TCERG1L: variants seen among roughly 807,000 people sequenced by gnomAD.
The protein encoded by TCERG1L is transcription elongation regulator 1-like protein.
A neutral mutation model predicts 56.3 loss-of-function variants in TCERG1L; 37 were observed. The observed-to-expected ratio is 0.66, with a 90% CI of 0.51 to 0.87. The LOEUF (loss-of-function observed/expected upper bound fraction) is 0.87, where lower values mean the gene tolerates loss of function less well. Among genes scored for constraint, TCERG1L ranks in the 40% least tolerant of loss-of-function variants. The pLI is 0.00. For missense variants in TCERG1L, 799 were observed against 774.2 expected, an observed-to-expected ratio of 1.03 and a Z score of -0.38; for synonymous variants, 324 against 326.3, an observed-to-expected ratio of 0.99 and a Z score of 0.08.
chr10:131,176,328 G>A (rs1265677436), intron 4 of TCERG1L, among the ~76,000 whole-genome samples: 3 of 146,722 alleles, frequency 2.0e-5, no homozygotes, highest in African/African-American at 2.5e-5. Flanking sequence ...ACAGAGACAC[G>A]TGTACACCCA....
intron 7 of TCERG1L, among the ~76,000 whole-genome samples, chr10:131,145,789 C>CA (rs1359046527): frequency 6.6e-6 from 1 of 152,262 alleles, no homozygotes; most frequent in Non-Finnish European, 1.5e-5. Context: ...CTCAAGTTGG[C>CA]AGGGAGCTCC....
rs575733054 is a variant in TCERG1L, at chr10:131,180,666, T to C, written c.857-13781A>G. Reference sequence around the variant, plus strand: ...GTGTTGGAGCCGTAAAGTTAAAATATTGTATTTCACACATTCGTTATCTCA... The same window carrying C: ...GTGTTGGAGCCGTAAAGTTAAAATACTGTATTTCACACATTCGTTATCTCA... On this transcript the variant is annotated intron_variant, in intron 4 of 11. Coordinates refer to ENST00000368642, the MANE Select transcript of TCERG1L (RefSeq NM_174937.4). Among the ~76,000 whole-genome samples the C allele has an allele frequency of 5.3e-5, 8 of 152,342 alleles. No homozygotes were observed. In the South Asian group the frequency reaches 1.2e-3, roughly 24 times the overall value.
chr10:131,252,671 G>A (rs1159940855), intron 4 of TCERG1L, among the ~76,000 whole-genome samples: 1 of 152,146 alleles, frequency 6.6e-6, no homozygotes, highest in Admixed American at 6.5e-5. Context: ...TGAAACACAT[G>A]TCACTCTCCC....
At chr10:131,262,639 A>T (rs1846246481) in intron 3 of TCERG1L, among the ~76,000 whole-genome samples, 1 of 152,186 alleles carries the variant, frequency 6.6e-6, no homozygotes, top group South Asian at 2.1e-4. Flanking sequence ...TCATGAGCTG[A>T]CAATGGCACC....
At chr10:131,199,185 G>C (rs561007533) in intron 4 of TCERG1L, among the ~76,000 whole-genome samples, 14 of 152,284 alleles carry the variant, frequency 9.2e-5, no homozygotes, top group Admixed American at 5.9e-4. Flanking sequence ...ACAGCATCTG[G>C]CCGTGGCCTA....
At chr10:131,200,725 G>T (rs1845422945) in intron 4 of TCERG1L, among the ~76,000 whole-genome samples, 1 of 152,240 alleles carries the variant, frequency 6.6e-6, no homozygotes, top group Non-Finnish European at 1.5e-5. Context: ...GAAATGGAAT[G>T]AATGTATTTT....
chr10:131,133,166 C>T (rs574958235), intron 8 of TCERG1L, among the ~76,000 whole-genome samples: 1 of 152,154 alleles, frequency 6.6e-6, no homozygotes, highest in Non-Finnish European at 1.5e-5. Context: ...GCTGGGCCTG[C>T]TAGGTACCCT....
chr10:131,213,593 G>A (rs1845638894), intron 4 of TCERG1L, among the ~76,000 whole-genome samples: 2 of 152,178 alleles, frequency 1.3e-5, no homozygotes, highest in African/African-American at 2.4e-5. Flanking sequence ...ATGGAATGGG[G>A]ACAACCCAAG....
At chr10:131,154,873 A>C (rs1396445639) in intron 6 of TCERG1L, among the ~76,000 whole-genome samples, 1 of 152,202 alleles carries the variant, frequency 6.6e-6, no homozygotes, top group African/African-American at 2.4e-5. Flanking sequence ...TGGGCCAGGC[A>C]CCTGCCGCGT....
chr10:131,209,155 C>T (rs756343307), intron 4 of TCERG1L, among the ~76,000 whole-genome samples: 71 of 151,868 alleles, frequency 4.7e-4, no homozygotes, highest in African/African-American at 1.1e-3. Flanking sequence ...GTATAGGGTG[C>T]GTAGGGAACA....
intron 3 of TCERG1L, among the ~76,000 whole-genome samples, chr10:131,288,469 C>G (rs1323919569): frequency 6.6e-6 from 1 of 152,110 alleles, no homozygotes; most frequent in Admixed American, 6.5e-5. Context: ...TCAGGACAGA[C>G]GCACTGTGGG....
chr10:131,140,653 G>A (rs959184331), intron 7 of TCERG1L, among the ~76,000 whole-genome samples: 1 of 152,210 alleles, frequency 6.6e-6, no homozygotes, highest in Non-Finnish European at 1.5e-5. Flanking sequence ...CCTCCTGCAC[G>A]GGCCAAGACC....
At chr10:131,215,600 C>T (rs1409720329) in intron 4 of TCERG1L, among the ~76,000 whole-genome samples, 1 of 152,212 alleles carries the variant, frequency 6.6e-6, no homozygotes, top group Middle Eastern at 3.4e-3. Context: ...AAAGGGATTT[C>T]GGGAGAGTTA....
intron 7 of TCERG1L, among the ~76,000 whole-genome samples, chr10:131,138,890 A>G (rs948428240): frequency 1.3e-5 from 2 of 152,252 alleles, no homozygotes; most frequent in Non-Finnish European, 2.9e-5. Context: ...AACTTGTTCT[A>G]TGGCAAAAAA....
chr10:131,228,020 C>A (rs1845812138), intron 4 of TCERG1L, among the ~76,000 whole-genome samples: 1 of 151,620 alleles, frequency 6.6e-6, no homozygotes, highest in Non-Finnish European at 1.5e-5. Context: ...GTCCTCCTTG[C>A]CCAGCCCCCC....
intron 3 of TCERG1L, among the ~76,000 whole-genome samples, chr10:131,304,174 C>G (rs977241445): frequency 2.6e-5 from 4 of 152,030 alleles, no homozygotes; most frequent in African/African-American, 9.7e-5. Context: ...ACATGGACAA[C>G]TTTTACATAA....
At position 131,260,465 on chromosome 10, in the gene TCERG1L, G is replaced by A. The variant is rs776616908; in HGVS notation, c.671-21C>T. On this transcript the variant is annotated intron_variant, in intron 3 of 11. Coordinates refer to ENST00000368642, the MANE Select transcript of TCERG1L (RefSeq NM_174937.4). This position sits in a 1 kb window ranked among gnomAD's most constrained non-coding sequence, Gnocchi z 5.8. Reference sequence around the variant, plus strand: ...GCCACCTGCGGAAGAGGGATGCAGAGGGTCAGCAAGGGGACGACCAGGGCC... The same window carrying A: ...GCCACCTGCGGAAGAGGGATGCAGAAGGTCAGCAAGGGGACGACCAGGGCC... 3.8e-5 allele frequency: 52 copies of A among 1,377,908 alleles called. No individual in the cohort carries two copies. Among genetic ancestry groups the A allele is most frequent in the African/African-American group, 2.4e-4 (16 of 65,330 alleles). 85.4% of individuals were successfully genotyped at this position (1,377,908 alleles called of 1,614,324 possible).
intron 4 of TCERG1L, among the ~76,000 whole-genome samples, chr10:131,218,409 C>T (rs375545308): frequency 1.3e-5 from 2 of 152,326 alleles, no homozygotes; most frequent in East Asian, 1.9e-4. Flanking sequence ...GGTGGTGTGA[C>T]CTCACTGCAT....
chr10:131,165,814 T>C (rs1238574145), intron 5 of TCERG1L, among the ~76,000 whole-genome samples: 1 of 152,262 alleles, frequency 6.6e-6, no homozygotes, highest in Non-Finnish European at 1.5e-5. Flanking sequence ...ATGCTGGTTA[T>C]GATTTCCTGT....
Sources: allele counts gnomAD v4.1 joint callset (sites outside exome capture counted in the v4.1 genomes callset), GRCh38; gene constraint gnomAD v4.1.1; non-coding constraint Gnocchi (gnomAD v3.1); transcripts MANE v1.5; gene names NCBI Gene and HGNC (gene_info 2026-07-23, HGNC 2026-07-21).